ADAM12: variants seen among roughly 807,000 people sequenced by gnomAD.
The protein encoded by ADAM12 is disintegrin and metalloproteinase domain-containing protein 12.
ADAM12 carries 70 observed loss-of-function variants against 106.4 expected under a neutral mutation model. That is an observed-to-expected ratio of 0.66 (90% CI 0.54 to 0.80). The LOEUF (loss-of-function observed/expected upper bound fraction) is 0.80. Ranked by LOEUF, ADAM12 falls within the 30% of genes least tolerant of loss-of-function variation. The pLI, the probability that ADAM12 is intolerant of heterozygous loss-of-function variation, is 0.00. For missense variants in ADAM12, 1,010 were observed against 1,171.9 expected (o/e 0.86, Z 2.02); for synonymous variants, 420 against 433.5 (o/e 0.97, Z 0.39).
chr10:126,118,252 T>A, intron 5 of ADAM12, 28 bp from the exon 6 acceptor site: 1 of 1,559,784 alleles, frequency 6.4e-7, no homozygotes, highest in Non-Finnish European at 8.8e-7. Flanking sequence ...AGAAAAAATA[T>A]ATAATTTTAA....
chr10:126,236,601 C>T (rs955456757), intron 3 of ADAM12, among the ~76,000 whole-genome samples: 2 of 151,814 alleles, frequency 1.3e-5, no homozygotes, highest in African/African-American at 2.4e-5. Context: ...GGAAGGAGCA[C>T]TCACAGGAAG....
intron 3 of ADAM12, among the ~76,000 whole-genome samples, chr10:126,191,700 G>A (rs1957504545): frequency 6.6e-6 from 1 of 152,194 alleles, no homozygotes; most frequent in Non-Finnish European, 1.5e-5. Context: ...GTGGACAATA[G>A]CTTAACATAG....
chr10:126,075,949 T>G (rs1042596965), intron 11 of ADAM12, among the ~76,000 whole-genome samples: 7 of 152,230 alleles, frequency 4.6e-5, no homozygotes, highest in African/African-American at 1.7e-4. Context: ...TCAACTTTTA[T>G]TAGCAATGAA....
At chr10:126,186,389 C>T (rs1228854964) in intron 3 of ADAM12, among the ~76,000 whole-genome samples, 1 of 152,172 alleles carries the variant, frequency 6.6e-6, no homozygotes, top group African/African-American at 2.4e-5. Flanking sequence ...TCTGGGTCTG[C>T]CTGGCTGGGC....
intron 3 of ADAM12, among the ~76,000 whole-genome samples, chr10:126,176,147 C>T (rs992554840): frequency 2.0e-5 from 3 of 152,260 alleles, no homozygotes; most frequent in East Asian, 3.9e-4. Flanking sequence ...CACTGAGTTC[C>T]GGGAAGTTAC....
intron 1 of ADAM12, among the ~76,000 whole-genome samples, chr10:126,350,155 A>T (rs990915511): frequency 6.6e-6 from 1 of 152,218 alleles, no homozygotes; most frequent in African/African-American, 2.4e-5. Context: ...AAATTGAAAC[A>T]ACTAAAACAA....
chr10:126,363,805 A>T (rs1214996843), intron 1 of ADAM12, among the ~76,000 whole-genome samples: 1 of 152,232 alleles, frequency 6.6e-6, no homozygotes, highest in East Asian at 1.9e-4. Context: ...TCACAGACAC[A>T]TGAGCGAAAG....
chr10:126,034,741 G>T (rs1464976995), intron 21 of ADAM12, among the ~76,000 whole-genome samples: 4 of 152,138 alleles, frequency 2.6e-5, no homozygotes, highest in Non-Finnish European at 2.9e-5. Flanking sequence ...CCTGTTTTTA[G>T]AAGTAACCAT....
chr10:126,337,286 C>T (rs1375337707), intron 1 of ADAM12, among the ~76,000 whole-genome samples: 1 of 152,132 alleles, frequency 6.6e-6, no homozygotes, highest in Non-Finnish European at 1.5e-5. Context: ...GTCTTCAGTC[C>T]CTGAAGTCTG....
intron 3 of ADAM12, among the ~76,000 whole-genome samples, chr10:126,241,947 C>T (rs1006177604): frequency 4.0e-5 from 6 of 149,284 alleles, no homozygotes; most frequent in African/African-American, 1.5e-4. Flanking sequence ...GTGGGGTACA[C>T]TTTGTAAAAC....
intron 11 of ADAM12, among the ~76,000 whole-genome samples, chr10:126,086,704 T>TATATATATATATATATATATATAA (rs752355130): frequency 1.6e-5 from 1 of 64,196 alleles, no homozygotes; most frequent in African/African-American, 5.7e-5. Context: ...TATATATATA[T>TATATATATATATATATATATATAA]ATAAAATAAA....
intron 2 of ADAM12, among the ~76,000 whole-genome samples, chr10:126,326,395 CT>C (rs1185849262): frequency 6.6e-6 from 1 of 152,118 alleles, no homozygotes; most frequent in Non-Finnish European, 1.5e-5. Context: ...GGTCCTTTCT[CT>C]TTGGGGGTGT....
chr10:126,041,763 A>G, intron 18 of ADAM12: 1 of 1,067,996 alleles, frequency 9.4e-7, no homozygotes, highest in Non-Finnish European at 1.1e-6. Context: ...CACTGGGCCC[A>G]ACCCTTGCTT....
At chr10:126,174,646 C>T (rs1333550606) in intron 3 of ADAM12, among the ~76,000 whole-genome samples, 2 of 152,134 alleles carry the variant, frequency 1.3e-5, no homozygotes, top group Non-Finnish European at 2.9e-5. Context: ...TTCCATCTCC[C>T]CGTGCCCTTT....
chr10:126,228,732 C>T (rs1958248844), intron 3 of ADAM12, among the ~76,000 whole-genome samples: 1 of 152,150 alleles, frequency 6.6e-6, no homozygotes, highest in Non-Finnish European at 1.5e-5. Flanking sequence ...TTAAATTCAT[C>T]CTTCTGCCCC....
chr10:126,156,018 A>T (rs998311232), intron 3 of ADAM12, among the ~76,000 whole-genome samples: 5 of 152,232 alleles, frequency 3.3e-5, no homozygotes, highest in Admixed American at 1.3e-4. Flanking sequence ...TGGGTTACTT[A>T]GATTTTAAAT....
chr10:126,204,054 A>G (rs1463977951), intron 3 of ADAM12, among the ~76,000 whole-genome samples: 1 of 152,192 alleles, frequency 6.6e-6, no homozygotes, highest in African/African-American at 2.4e-5. Context: ...GGAGCTGCCA[A>G]TGCAAGGCTG....
intron 2 of ADAM12, among the ~76,000 whole-genome samples, chr10:126,316,757 A>G (rs1853888520): frequency 6.8e-6 from 1 of 147,768 alleles, no homozygotes; most frequent in Non-Finnish European, 1.5e-5. Flanking sequence ...GCACTCCAGC[A>G]TTGGTGACAG....
At chr10:126,018,727 C>T (rs937071185) in intron 22 of ADAM12, among the ~76,000 whole-genome samples, 3 of 152,106 alleles carry the variant, frequency 2.0e-5, no homozygotes, top group African/African-American at 7.2e-5. Context: ...TGGGGTTAGC[C>T]TCCCAGCATA....
Sources: gnomAD v4.1 joint callset for allele counts (sites outside exome capture counted in the v4.1 genomes callset) on GRCh38, gnomAD v4.1.1 for gene constraint, MANE v1.5 for transcripts, NCBI Gene and HGNC (gene_info 2026-07-23, HGNC 2026-07-21) for gene names.